SLC5A4: variants seen among roughly 807,000 people sequenced by gnomAD.
SLC5A4 encodes solute carrier family 5 member 4, also known as probable glucose sensor protein SLC5A4.
Under a neutral mutation model 70.3 loss-of-function variants are expected in SLC5A4, and 55 were observed. The ratio of observed to expected loss-of-function variants is 0.78; its 90% CI spans 0.63 to 0.98. SLC5A4 has a LOEUF of 0.98. Among genes scored for constraint, SLC5A4 ranks in the 50% least tolerant of loss-of-function variants. SLC5A4 has a pLI of 0.00. For synonymous variants in SLC5A4, 268 were observed against 305.7 expected, an observed-to-expected ratio of 0.88 and a Z score of 1.29; for missense variants, 735 against 839.2, an observed-to-expected ratio of 0.88 and a Z score of 1.53.
the SLC5A4 span, among the ~76,000 whole-genome samples, chr22:32,326,271 T>A: frequency 1.4e-5 from 1 of 72,016 alleles, no homozygotes; most frequent in Admixed American, 1.3e-4. Context: ...CCTTCACGTA[T>A]TTTTTTTTTT....
chr22:32,245,279 C>G (rs1926753122), intron 5 of SLC5A4, among the ~76,000 whole-genome samples: 1 of 152,202 alleles, frequency 6.6e-6, no homozygotes, highest in African/African-American at 2.4e-5. Flanking sequence ...AAGACATAAA[C>G]CTGCAGGCAA....
chr22:32,331,055 GGA>G, the SLC5A4 span, among the ~76,000 whole-genome samples: 1 of 104,882 alleles, frequency 9.5e-6, no homozygotes, highest in African/African-American at 3.6e-5. Flanking sequence ...TGTGTGTGTT[GGA>G]GGCTCTGGTG....
the SLC5A4 span, among the ~76,000 whole-genome samples, chr22:32,353,205 T>C: frequency 3.3e-5 from 5 of 152,050 alleles, no homozygotes; most frequent in African/African-American, 1.2e-4. Context: ...CCGGGCTTCC[T>C]ACTCTACTAG....
At chr22:32,338,954 T>G in the SLC5A4 span, among the ~76,000 whole-genome samples, 3 of 152,166 alleles carry the variant, frequency 2.0e-5, no homozygotes, top group Admixed American at 2.0e-4. Context: ...GGGATTGGTG[T>G]TGTCATCGTA....
At chr22:32,332,970 T>C in the SLC5A4 span, among the ~76,000 whole-genome samples, 5 of 152,152 alleles carry the variant, frequency 3.3e-5, no homozygotes, top group African/African-American at 4.8e-5. Flanking sequence ...GTTTTTCAAA[T>C]CCATTCTTAC....
At chr22:32,268,384 T>C in the SLC5A4 span, 111 of 152,344 alleles carry the variant, frequency 7.3e-4, no homozygotes, top group African/African-American at 1.9e-3. Flanking sequence ...TGGATGTGTC[T>C]GCTGCATCCG....
chr22:32,326,431 AT>A, the SLC5A4 span, among the ~76,000 whole-genome samples: 2 of 151,758 alleles, frequency 1.3e-5, no homozygotes, highest in Non-Finnish European at 2.9e-5. Flanking sequence ...TAGTTTTTTT[AT>A]TTTTAGTAGA....
the SLC5A4 span, among the ~76,000 whole-genome samples, chr22:32,321,295 T>TAAAC: frequency 6.7e-6 from 1 of 148,998 alleles, no homozygotes; most frequent in Non-Finnish European, 1.5e-5. Flanking sequence ...TCTAAATAAA[T>TAAAC]ACAAAACTTA....
chr22:32,319,066 G>A, the SLC5A4 span, among the ~76,000 whole-genome samples: 1 of 152,198 alleles, frequency 6.6e-6, no homozygotes, highest in Non-Finnish European at 1.5e-5. Flanking sequence ...AACAAGTAAG[G>A]GGGAATTCAC....
chr22:32,270,019 C>T, the SLC5A4 span: 1 of 493,704 alleles, frequency 2.0e-6, no homozygotes, highest in South Asian at 1.7e-5. Context: ...TCAGGAGCCC[C>T]CGGCCAGTGC....
chr22:32,302,077 A>G, the SLC5A4 span, among the ~76,000 whole-genome samples: 5 of 152,188 alleles, frequency 3.3e-5, no homozygotes, highest in African/African-American at 1.2e-4. Flanking sequence ...GGATTAGGCA[A>G]TGGTTTCTTA....
Position 32,249,225 on chromosome 22 carries a change from T to C in SLC5A4, c.313-423A>G, listed in dbSNP as rs112358234. Among the ~76,000 whole-genome samples the C allele has an allele frequency of 2.2e-3, 328 of 152,328 alleles. 2 individuals are homozygous for C. The highest frequency in any genetic ancestry group is 6.8e-3 in the Middle Eastern group (2 of 294). On this transcript the variant is annotated intron_variant, in intron 3 of 14. Transcript: ENST00000266086. ...ATAATAATATAATCTAGCATTAATG[T>C]GCAATTTTTACAGAGAGTCTTCACA...
the SLC5A4 span, among the ~76,000 whole-genome samples, chr22:32,282,738 C>T: frequency 6.6e-6 from 1 of 152,224 alleles, no homozygotes; most frequent in Non-Finnish European, 1.5e-5. Context: ...ACCTCCCTGT[C>T]TGGGTTGGTG....
the SLC5A4 span, among the ~76,000 whole-genome samples, chr22:32,331,499 C>T: frequency 2.0e-5 from 3 of 152,094 alleles, no homozygotes; most frequent in African/African-American, 7.2e-5. Context: ...CTTTATAGGG[C>T]GCCGCATAAT....
chr22:32,332,210 G>A, the SLC5A4 span, among the ~76,000 whole-genome samples: 1 of 152,150 alleles, frequency 6.6e-6, no homozygotes, highest in Non-Finnish European at 1.5e-5. Context: ...CTCCTCGAGG[G>A]CACCCTTGTC....
the SLC5A4 span, among the ~76,000 whole-genome samples, chr22:32,300,403 G>A: frequency 6.6e-6 from 1 of 152,162 alleles, no homozygotes; most frequent in Non-Finnish European, 1.5e-5. Flanking sequence ...CAGTATTCGG[G>A]TGGGAGTGAC....
chr22:32,231,577 T>A (rs544189397), intron 9 of SLC5A4, among the ~76,000 whole-genome samples: 52 of 152,356 alleles, frequency 3.4e-4, no homozygotes, highest in African/African-American at 1.2e-3. Context: ...CCTTGTTGGT[T>A]TTTTGTTTTT....
the SLC5A4 span, among the ~76,000 whole-genome samples, chr22:32,353,483 CTCCAG>C: frequency 1.8e-4 from 27 of 152,204 alleles, no homozygotes; most frequent in South Asian, 5.6e-3. Context: ...ATCCGCCGCG[CTCCAG>C]CAGGAGGAGA....
chr22:32,349,651 C>T, the SLC5A4 span, among the ~76,000 whole-genome samples: 1 of 152,224 alleles, frequency 6.6e-6, no homozygotes, highest in Non-Finnish European at 1.5e-5. Flanking sequence ...AACTAAAAGG[C>T]ATTAGAGCTT....
Sources: gnomAD v4.1 joint callset for allele counts (sites outside exome capture counted in the v4.1 genomes callset) on GRCh38, gnomAD v4.1.1 for gene constraint, MANE v1.5 for transcripts, NCBI Gene and HGNC (gene_info 2026-07-23, HGNC 2026-07-21) for gene names.